The following CDH13 variants were observed in gnomAD, a reference collection of about 807,000 sequenced individuals.
The protein encoded by CDH13 is cadherin 13, also known as cadherin-13.
CDH13 carries 24 observed loss-of-function variants against 63.8 expected under a neutral mutation model. That is an observed-to-expected ratio of 0.38 (90% confidence interval 0.27 to 0.53). CDH13 has a LOEUF of 0.53. Ranked by LOEUF, CDH13 falls within the 20% of genes least tolerant of loss-of-function variation. The pLI is 0.85. For missense variants in CDH13, 1,049 were observed against 903.1 expected (o/e 1.16, Z -2.07); for synonymous variants, 503 against 355.3 (o/e 1.42, Z -4.67).
intron 7 of CDH13, among the ~76,000 whole-genome samples, chr16:83,571,805 C>T (rs1202443348): frequency 2.0e-5 from 3 of 152,182 alleles, no homozygotes; most frequent in African/African-American, 4.8e-5. Flanking sequence ...CAATTCTATG[C>T]AGCTAGGTGC....
At chr16:83,672,822 C>G (rs577192732) in intron 9 of CDH13, among the ~76,000 whole-genome samples, 1 of 152,212 alleles carries the variant, frequency 6.6e-6, no homozygotes, top group African/African-American at 2.4e-5. Context: ...GTCTATTTAC[C>G]CAAGTTTTAT....
At chr16:83,351,549 G>T (rs1000775573) in intron 6 of CDH13, among the ~76,000 whole-genome samples, 2 of 152,082 alleles carry the variant, frequency 1.3e-5, no homozygotes, top group African/African-American at 4.8e-5. Context: ...GGACATTTTT[G>T]TAAATCAATA....
At chr16:82,755,618 A>C (rs950441840) in intron 1 of CDH13, among the ~76,000 whole-genome samples, 1 of 152,148 alleles carries the variant, frequency 6.6e-6, no homozygotes, top group Non-Finnish European at 1.5e-5. Flanking sequence ...TCATTTATTC[A>C]GTCCATTCTT....
At chr16:83,783,495 C>T in intron 13 of CDH13, 23 bp downstream of exon 13, 1 of 1,569,786 alleles carries the variant, frequency 6.4e-7, no homozygotes, top group Non-Finnish European at 8.8e-7. Flanking sequence ...AACTCCAGTG[C>T]ATGCACAAAC....
chr16:82,996,951 A>G (rs201162213), intron 2 of CDH13, among the ~76,000 whole-genome samples: 1 of 116,074 alleles, frequency 8.6e-6, no homozygotes, highest in Non-Finnish European at 1.8e-5. Flanking sequence ...GGTGTTGTTG[A>G]TGATGGTGGT....
At chr16:83,325,466 A>C (rs890119003) in intron 5 of CDH13, among the ~76,000 whole-genome samples, 1 of 152,180 alleles carries the variant, frequency 6.6e-6, no homozygotes, top group African/African-American at 2.4e-5. Flanking sequence ...AAAAGGCCAG[A>C]TAACAGGTAC....
rs542084382 is a variant in CDH13, at chr16:83,376,753, C to T, written c.781+31747C>T. 1.4e-4 allele frequency among the ~76,000 whole-genome samples: 21 copies of T among 152,232 alleles called. No homozygotes were observed. In the South Asian group the frequency reaches 4.0e-3, roughly 29 times the overall value. On this transcript the variant is annotated intron_variant, in intron 6 of 13. Transcript: ENST00000567109. ...TTACAAAGGGCCAGAAATCTTTGAGCATCTTGTCCCCTCCCCTTGATTCTA... is the reference window on the plus strand; with the variant it reads ...TTACAAAGGGCCAGAAATCTTTGAGTATCTTGTCCCCTCCCCTTGATTCTA...
intron 1 of CDH13, among the ~76,000 whole-genome samples, chr16:82,720,403 T>G (rs2032691149): frequency 6.6e-6 from 1 of 152,182 alleles, no homozygotes; most frequent in African/African-American, 2.4e-5. Flanking sequence ...ACCTTCCAAA[T>G]TGCTTAGTCT....
chr16:83,190,225 A>G lies in CDH13; in HGVS notation c.484-27120A>G, dbSNP rs141184001. On this transcript the variant is annotated intron_variant, in intron 4 of 13. Transcript: ENST00000567109. ...CCAAATAAATGGGTTCCGCTTGGCT[A>G]GAAGTACATCTCATTATGAGTGGAA... 1.9e-3 allele frequency among the ~76,000 whole-genome samples: 283 copies of G among 152,320 alleles called. 4 individuals are homozygous for G. Among genetic ancestry groups the G allele is most frequent in the African/African-American group, 6.5e-3 (271 of 41,590 alleles).
At chr16:82,835,964 G>A (rs777075163) in intron 1 of CDH13, among the ~76,000 whole-genome samples, 2 of 152,136 alleles carry the variant, frequency 1.3e-5, no homozygotes, top group African/African-American at 4.8e-5. Context: ...AAGTCTCATC[G>A]CTCAGGTCTC....
chr16:82,756,835 A>T (rs1244361149), intron 1 of CDH13, among the ~76,000 whole-genome samples: 1 of 152,192 alleles, frequency 6.6e-6, no homozygotes, highest in Admixed American at 6.5e-5. Flanking sequence ...ACTGTCACCA[A>T]TGCATGACTA....
chr16:82,654,175 C>A (rs1015026313), intron 1 of CDH13, among the ~76,000 whole-genome samples: 7 of 152,152 alleles, frequency 4.6e-5, no homozygotes, highest in African/African-American at 1.4e-4. Context: ...AGGATGAATT[C>A]TTGCCCTTAG....
At chr16:83,377,018 GA>G (rs1214081098) in intron 6 of CDH13, among the ~76,000 whole-genome samples, 2 of 152,134 alleles carry the variant, frequency 1.3e-5, no homozygotes, top group Non-Finnish European at 1.5e-5. Flanking sequence ...AGAGGTCAAG[GA>G]GGAGTGAAGC....
At chr16:83,107,306 C>A (rs151243880) in intron 3 of CDH13, among the ~76,000 whole-genome samples, 1 of 131,198 alleles carries the variant, frequency 7.6e-6, no homozygotes, top group Non-Finnish European at 1.7e-5. Flanking sequence ...AAAAAGAGTT[C>A]GTTGGGGTTG....
At chr16:82,934,504 G>T (rs2042603475) in intron 2 of CDH13, among the ~76,000 whole-genome samples, 1 of 152,202 alleles carries the variant, frequency 6.6e-6, no homozygotes, top group Non-Finnish European at 1.5e-5. Context: ...TTTCCCCATT[G>T]TCTTGGTGAT....
chr16:83,246,606 A>G (rs1276975110), intron 5 of CDH13, among the ~76,000 whole-genome samples: 1 of 152,114 alleles, frequency 6.6e-6, no homozygotes, highest in Non-Finnish European at 1.5e-5. Context: ...TGAGCTATGA[A>G]ATATTTCTTC....
intron 5 of CDH13, among the ~76,000 whole-genome samples, chr16:83,319,746 A>G (rs1226372681): frequency 6.6e-6 from 1 of 152,214 alleles, no homozygotes; most frequent in Non-Finnish European, 1.5e-5. Flanking sequence ...ACAGGTGACA[A>G]GAAAGGAGTT....
intron 1 of CDH13, among the ~76,000 whole-genome samples, chr16:82,852,784 C>T (rs2039546128): frequency 6.6e-6 from 1 of 152,204 alleles, no homozygotes; most frequent in Non-Finnish European, 1.5e-5. Context: ...GAGGGGCACT[C>T]TACATAACAT....
At chr16:82,934,763 C>G (rs2042612699) in intron 2 of CDH13, among the ~76,000 whole-genome samples, 1 of 152,214 alleles carries the variant, frequency 6.6e-6, no homozygotes, top group Non-Finnish European at 1.5e-5. Flanking sequence ...AGTCTCTTTG[C>G]TAAAGCATAG....
Sources: allele counts gnomAD v4.1 joint callset (sites outside exome capture counted in the v4.1 genomes callset), GRCh38; gene constraint gnomAD v4.1.1; transcripts MANE v1.5; gene names NCBI Gene and HGNC (gene_info 2026-07-23, HGNC 2026-07-21).